The following SORCS2 variants were observed in gnomAD, a reference collection of about 807,000 sequenced individuals.
The protein encoded by SORCS2 is VPS10 domain-containing receptor SorCS2.
Under a neutral mutation model 141.6 loss-of-function variants are expected in SORCS2, and 100 were observed. The ratio of observed to expected loss-of-function variants is 0.71; its 90% CI spans 0.60 to 0.83. The LOEUF (loss-of-function observed/expected upper bound fraction) is 0.83. Ranked by LOEUF, SORCS2 falls within the 40% of genes least tolerant of loss-of-function variation. The pLI is 0.00. For synonymous variants in SORCS2, 789 were observed against 676.9 expected (o/e 1.17, Z -2.57); for missense variants, 1,646 against 1,560.2 (o/e 1.05, Z -0.93).
chr4:7,458,456 C>A (rs1197062743), intron 2 of SORCS2, among the ~76,000 whole-genome samples: 1 of 152,082 alleles, frequency 6.6e-6, no homozygotes. Flanking sequence ...TGTGGGGAAA[C>A]CGTGGAGAAT....
intron 2 of SORCS2, among the ~76,000 whole-genome samples, chr4:7,465,647 G>A (rs1729571662): frequency 6.6e-6 from 1 of 152,156 alleles, no homozygotes; most frequent in East Asian, 1.9e-4. Context: ...AGACATTCTA[G>A]AACATGTAGA....
intron 3 of SORCS2, among the ~76,000 whole-genome samples, chr4:7,597,210 C>CAGT (rs1717328902): frequency 7.0e-6 from 1 of 143,492 alleles, no homozygotes; most frequent in Non-Finnish European, 1.5e-5. Flanking sequence ...GGGGCTATTG[C>CAGT]AATAGGGAAG....
intron 2 of SORCS2, among the ~76,000 whole-genome samples, chr4:7,443,152 A>G (rs1236446961): frequency 6.6e-6 from 1 of 152,194 alleles, no homozygotes; most frequent in Non-Finnish European, 1.5e-5. Flanking sequence ...GCTCCAAATT[A>G]TGTCAGATCA....
intron 2 of SORCS2, among the ~76,000 whole-genome samples, chr4:7,466,799 C>G (rs112213977): frequency 0.013 from 2,008 of 152,248 alleles, 46 homozygotes; most frequent in African/African-American, 0.045. Context: ...CCAGAATCGG[C>G]CCAGGGGTGC....
intron 3 of SORCS2, among the ~76,000 whole-genome samples, chr4:7,615,245 A>G (rs1718685459): frequency 6.6e-6 from 1 of 152,238 alleles, no homozygotes; most frequent in African/African-American, 2.4e-5. Flanking sequence ...CTGGAGATAT[A>G]ACAGTGAGCA....
At chr4:7,267,533 C>A (rs1714828036) in intron 1 of SORCS2, among the ~76,000 whole-genome samples, 1 of 152,164 alleles carries the variant, frequency 6.6e-6, no homozygotes, top group Admixed American at 6.5e-5. Flanking sequence ...GAATGGATGA[C>A]AACACCAGCT....
chr4:7,614,938 C>T (rs1443811186), intron 3 of SORCS2, among the ~76,000 whole-genome samples: 12 of 152,072 alleles, frequency 7.9e-5, no homozygotes, highest in Non-Finnish European at 1.8e-4. Context: ...CACCTACCCA[C>T]CCCATTCACC....
At chr4:7,198,921 C>A (rs770228545) in intron 1 of SORCS2, among the ~76,000 whole-genome samples, 31 of 152,094 alleles carry the variant, frequency 2.0e-4, no homozygotes, top group Non-Finnish European at 2.8e-4. Flanking sequence ...CCCAGTCACT[C>A]GACACTCAGA....
At chr4:7,598,840 C>T (rs913210280) in intron 3 of SORCS2, among the ~76,000 whole-genome samples, 4 of 152,326 alleles carry the variant, frequency 2.6e-5, no homozygotes, top group African/African-American at 9.6e-5. Context: ...GTTCTCCCCC[C>T]CAGGCTGTGC....
Position 7,712,935 on chromosome 4 carries a change from C to G in SORCS2, c.1989+82C>G, listed in dbSNP as rs1184551284. ...CCACTCTGCCTGCCAAAGTCCTCCCCTGCAAGGCCGCAGGGCACCTCCCCG... is the reference window on the plus strand; with the variant it reads ...CCACTCTGCCTGCCAAAGTCCTCCCGTGCAAGGCCGCAGGGCACCTCCCCG... On this transcript the variant is annotated intron_variant, in intron 15 of 26. Coordinates refer to ENST00000507866, the MANE Select transcript of SORCS2 (RefSeq NM_020777.3). 11 of 1,561,178 alleles carry G rather than the reference C, an allele frequency of 7.0e-6. No individual in the cohort carries two copies. In the East Asian group the frequency reaches 2.1e-4, roughly 29 times the overall value.
intron 8 of SORCS2, among the ~76,000 whole-genome samples, chr4:7,672,906 C>A (rs1398912282): frequency 6.6e-6 from 1 of 152,200 alleles, no homozygotes; most frequent in African/African-American, 2.4e-5. Flanking sequence ...TTTCCTGTTT[C>A]TGTTACTCAC....
intron 3 of SORCS2, among the ~76,000 whole-genome samples, chr4:7,539,177 A>C (rs1410721477): frequency 6.6e-6 from 1 of 152,162 alleles, no homozygotes; most frequent in Non-Finnish European, 1.5e-5. Flanking sequence ...AGCTCTGTAC[A>C]GACACCAAAA....
intron 8 of SORCS2, among the ~76,000 whole-genome samples, chr4:7,673,400 T>C (rs75206113): frequency 0.062 from 9,392 of 152,314 alleles, 985 homozygotes; most frequent in African/African-American, 0.21. Flanking sequence ...TTGAGAACGC[T>C]GACGGTTTCC....
At chr4:7,408,621 C>T (rs1725124224) in intron 2 of SORCS2, among the ~76,000 whole-genome samples, 1 of 152,096 alleles carries the variant, frequency 6.6e-6, no homozygotes. Flanking sequence ...TCTGACCTTC[C>T]TGTACCTGGA....
intron 11 of SORCS2, among the ~76,000 whole-genome samples, chr4:7,694,992 C>T (rs867794601): frequency 6.6e-6 from 1 of 152,036 alleles, no homozygotes; most frequent in South Asian, 2.1e-4. Context: ...TCTGTGTTCA[C>T]CTGCACGGCC....
At chr4:7,344,128 G>A (rs1720521238) in intron 1 of SORCS2, among the ~76,000 whole-genome samples, 1 of 152,252 alleles carries the variant, frequency 6.6e-6, no homozygotes, top group Admixed American at 6.5e-5. Context: ...CTCTGCCTAC[G>A]CACCTAGAGG....
At chr4:7,661,647 C>T in intron 6 of SORCS2, 83 bp downstream of exon 6, 2 of 1,312,774 alleles carry the variant, frequency 1.5e-6, no homozygotes, top group Non-Finnish European at 2.1e-6. Flanking sequence ...TGTTCAGTCG[C>T]TTGTCCGCAA....
At chr4:7,210,307 G>A (rs995263784) in intron 1 of SORCS2, among the ~76,000 whole-genome samples, 1 of 152,130 alleles carries the variant, frequency 6.6e-6, no homozygotes, top group Admixed American at 6.5e-5. Context: ...AAATAGAGGC[G>A]GGGCTTCTCT....
chr4:7,475,143 A>G (rs1233320133), intron 2 of SORCS2, among the ~76,000 whole-genome samples: 2 of 152,202 alleles, frequency 1.3e-5, no homozygotes, highest in East Asian at 1.9e-4. Context: ...ACCCGATTCC[A>G]CCAAAAACAT....
Sources: allele counts gnomAD v4.1 joint callset (sites outside exome capture counted in the v4.1 genomes callset), GRCh38; gene constraint gnomAD v4.1.1; transcripts MANE v1.5; gene names NCBI Gene and HGNC (gene_info 2026-07-23, HGNC 2026-07-21).